Variants in CCDC178 observed in about 807,000 individuals in gnomAD.
The protein encoded by CCDC178 is coiled-coil domain-containing protein 178.
CCDC178 carries 126 observed loss-of-function variants against 117.4 expected under a neutral mutation model. The ratio of observed to expected loss-of-function variants is 1.07; its 90% CI spans 0.93 to 1.24. CCDC178 has a LOEUF of 1.24. CCDC178 is among the 50% of genes most tolerant of loss of function. The probability of loss-of-function intolerance (pLI) is 0.00; values close to 1 mark genes in which losing one functional copy is unlikely to be tolerated. For synonymous variants in CCDC178, 283 were observed against 313.4 expected (o/e 0.90, Z 1.02); for missense variants, 1,030 against 986.9 (o/e 1.04, Z -0.59).
chr18:33,292,947 T>C (rs2062054816), intron 12 of CCDC178, among the ~76,000 whole-genome samples: 1 of 152,062 alleles, frequency 6.6e-6, no homozygotes, highest in South Asian at 2.1e-4. Flanking sequence ...CCCAGACTTC[T>C]GACTTACGAA....
chr18:33,093,675 A>AT (rs1241943460), intron 20 of CCDC178, among the ~76,000 whole-genome samples: 1,614 of 146,164 alleles, frequency 0.011, 21 homozygotes, highest in African/African-American at 0.036. Context: ...TTAGTTTCTG[A>AT]TTTTTTTTTT....
chr18:33,148,694 G>A (rs764822987), intron 20 of CCDC178, among the ~76,000 whole-genome samples: 3 of 152,130 alleles, frequency 2.0e-5, no homozygotes, highest in Non-Finnish European at 4.4e-5. Flanking sequence ...CTGAGGATAT[G>A]CAGATACCTT....
chr18:33,168,878 G>T (rs1473756368), intron 20 of CCDC178, among the ~76,000 whole-genome samples: 1 of 152,108 alleles, frequency 6.6e-6, no homozygotes, highest in Non-Finnish European at 1.5e-5. Context: ...AAAAAGTTTT[G>T]CTTACAATTC....
intron 21 of CCDC178, among the ~76,000 whole-genome samples, chr18:33,081,527 A>G (rs886081419): frequency 6.6e-6 from 1 of 152,226 alleles, no homozygotes; most frequent in East Asian, 1.9e-4. Flanking sequence ...CTTGATTCAA[A>G]AAGTCAAGCA....
At chr18:33,337,706 A>G (rs1255984761) in intron 9 of CCDC178, among the ~76,000 whole-genome samples, 2 of 152,212 alleles carry the variant, frequency 1.3e-5, no homozygotes, top group South Asian at 2.1e-4. Flanking sequence ...GGCAAGCCAC[A>G]TGTAGAAGAA....
intron 21 of CCDC178, chr18:32,983,460 A>C: frequency 1.6e-6 from 1 of 628,780 alleles, no homozygotes; most frequent in Non-Finnish European, 2.7e-6. Flanking sequence ...AAGCAGCTCT[A>C]AGATTTATTC....
At chr18:32,994,869 A>C (rs1445733430) in intron 21 of CCDC178, among the ~76,000 whole-genome samples, 1 of 152,186 alleles carries the variant, frequency 6.6e-6, no homozygotes, top group Non-Finnish European at 1.5e-5. Flanking sequence ...ATAAGAGCAG[A>C]CTTTTAGTTT....
intron 20 of CCDC178, among the ~76,000 whole-genome samples, chr18:33,162,206 T>C (rs900107963): frequency 1.3e-5 from 2 of 152,050 alleles, no homozygotes; most frequent in Non-Finnish European, 2.9e-5. Context: ...AGGGGAGGGA[T>C]AGCATTAGGA....
At position 33,245,407 on chromosome 18, in the gene CCDC178, G is replaced by T. The variant is rs200500512; in HGVS notation, c.1431C>A (p.Tyr477Ter). The T allele has an allele frequency of 2.9e-5, 46 of 1,560,902 alleles. No homozygotes were observed. In the Middle Eastern group the frequency reaches 5.2e-4, roughly 18 times the overall value. ...TNESIRKKSKYESEIKYLTIM... is the reference protein window; with the variant it reads ...TNESIRKKSK ...TTGTCAAATATTTTATTTCAGATTC[G>T]TATTTTGATTTTTTCCGTATGCTGT... is the stretch of plus-strand genomic sequence containing the variant. Residue 477 changes from tyrosine to a stop codon, truncating the protein, a stop_gained, in exon 15 of 23, where the codon TAC (tyrosine) becomes TAA (stop). Transcript: ENST00000383096. LOFTEE classifies it high-confidence loss of function.
At chr18:33,068,533 G>A (rs532413620) in intron 21 of CCDC178, among the ~76,000 whole-genome samples, 71 of 151,152 alleles carry the variant, frequency 4.7e-4, no homozygotes, top group African/African-American at 1.4e-3. Context: ...CTCAATAAAC[G>A]TGATGGATAA....
At chr18:33,384,615 G>C (rs1457341156) in intron 5 of CCDC178, among the ~76,000 whole-genome samples, 1 of 152,126 alleles carries the variant, frequency 6.6e-6, no homozygotes, top group Non-Finnish European at 1.5e-5. Flanking sequence ...GCCAAACTAA[G>C]CTTCATAAGT....
chr18:33,167,635 A>T (rs977934746), intron 20 of CCDC178, among the ~76,000 whole-genome samples: 1 of 151,968 alleles, frequency 6.6e-6, no homozygotes, highest in African/African-American at 2.4e-5. Flanking sequence ...AGGTCGAGGC[A>T]GGTGGATCAC....
intron 21 of CCDC178, among the ~76,000 whole-genome samples, chr18:33,084,137 G>C (rs895448160): frequency 7.2e-5 from 11 of 151,854 alleles, no homozygotes; most frequent in Non-Finnish European, 1.3e-4. Flanking sequence ...GTTACAACAT[G>C]TTCTTGTAGC....
At chr18:33,340,838 G>C (rs1029637984) in intron 9 of CCDC178, among the ~76,000 whole-genome samples, 3 of 152,204 alleles carry the variant, frequency 2.0e-5, no homozygotes, top group Admixed American at 1.3e-4. Flanking sequence ...AAAGTTTGCT[G>C]TAAGGGTGGG....
chr18:33,425,343 G>A (rs947763010), intron 2 of CCDC178, among the ~76,000 whole-genome samples: 1 of 152,160 alleles, frequency 6.6e-6, no homozygotes, highest in Non-Finnish European at 1.5e-5. Flanking sequence ...TTATGGAAAA[G>A]ATATTGGGAA....
intron 3 of CCDC178, among the ~76,000 whole-genome samples, chr18:33,405,788 A>G (rs917529414): frequency 6.6e-6 from 1 of 152,082 alleles, no homozygotes; most frequent in Non-Finnish European, 1.5e-5. Flanking sequence ...TTTAACTAAT[A>G]TCGAAGGATG....
intron 20 of CCDC178, among the ~76,000 whole-genome samples, chr18:33,194,399 T>C (rs2058899955): frequency 6.6e-6 from 1 of 152,118 alleles, no homozygotes; most frequent in Non-Finnish European, 1.5e-5. Context: ...TGACATGTGG[T>C]GCCTGAGCAC....
At chr18:33,132,101 T>C (rs1396084721) in intron 20 of CCDC178, among the ~76,000 whole-genome samples, 1 of 151,858 alleles carries the variant, frequency 6.6e-6, no homozygotes, top group Non-Finnish European at 1.5e-5. Context: ...TACACTTTCA[T>C]TGTGTAAATG....
chr18:33,191,545 C>T (rs2144518549), intron 20 of CCDC178, among the ~76,000 whole-genome samples: 1 of 152,212 alleles, frequency 6.6e-6, no homozygotes, highest in Non-Finnish European at 1.5e-5. Context: ...GTAATGCATC[C>T]TACCAGAATA....
Sources: allele counts gnomAD v4.1 joint callset (sites outside exome capture counted in the v4.1 genomes callset), GRCh38; gene constraint gnomAD v4.1.1; transcripts MANE v1.5; gene names NCBI Gene and HGNC (gene_info 2026-07-23, HGNC 2026-07-21).